EFR3B: variants seen among roughly 807,000 people sequenced by gnomAD.
The protein encoded by EFR3B is protein EFR3 homolog B.
EFR3B carries 64 observed loss-of-function variants against 104.7 expected under a neutral mutation model. The observed-to-expected ratio is 0.61, with a 90% CI of 0.50 to 0.75. EFR3B has a LOEUF of 0.75. Ranked by LOEUF, EFR3B falls within the 30% of genes least tolerant of loss-of-function variation. The pLI is 0.00. For missense variants in EFR3B, 750 were observed against 1,078.5 expected, an observed-to-expected ratio of 0.70 and a Z score of 4.27; for synonymous variants, 385 against 417.9, an observed-to-expected ratio of 0.92 and a Z score of 0.96.
At chr2:25,043,888 T>G (rs1667646631) in intron 1 of EFR3B, among the ~76,000 whole-genome samples, 1 of 152,170 alleles carries the variant, frequency 6.6e-6, no homozygotes, top group African/African-American at 2.4e-5. Context: ...GACAGGCTCA[T>G]CAGAATGGGT....
In EFR3B at chr2:25,155,672, C is replaced by T. The variant is rs1276499257; in HGVS notation, c.*1332C>T. On this transcript the variant is annotated 3_prime_UTR_variant, in exon 23 of 23. Coordinates refer to ENST00000403714, the MANE Select transcript of EFR3B (RefSeq NM_014971.2). ...ACTGACAGAACCTCACCTGGGGCTC[C>T]TCCCATGGCAGTGCCATGTGGTCCA... 2 of 152,190 alleles carry T rather than the reference C, an allele frequency of 1.3e-5. No homozygotes were observed. Among genetic ancestry groups the T allele is most frequent in the Non-Finnish European group, 2.9e-5 (2 of 68,050 alleles). 9.4% of individuals were successfully genotyped at this position (152,190 alleles called of 1,614,324 possible).
intron 21 of EFR3B, among the ~76,000 whole-genome samples, chr2:25,153,152 G>A (rs578211004): frequency 7.9e-5 from 12 of 152,178 alleles, no homozygotes; most frequent in African/African-American, 2.4e-4. Context: ...TCAGGAGTTC[G>A]AGACCAGCCT....
intron 19 of EFR3B, among the ~76,000 whole-genome samples, chr2:25,148,463 C>T (rs77014480): frequency 0.31 from 46,502 of 150,864 alleles, 7,750 homozygotes; most frequent in African/African-American, 0.41. Context: ...CCACGTTGAC[C>T]AGGCCGGTCT....
At chr2:25,068,190 T>C (rs1469531685) in intron 1 of EFR3B, among the ~76,000 whole-genome samples, 1 of 152,190 alleles carries the variant, frequency 6.6e-6, no homozygotes, top group African/African-American at 2.4e-5. Flanking sequence ...GGCTGATGTG[T>C]GTATGAGCCA....
chr2:25,119,160 G>GCA (rs1205455690), intron 4 of EFR3B, among the ~76,000 whole-genome samples: 1 of 152,148 alleles, frequency 6.6e-6, no homozygotes. Context: ...AGTAGACATA[G>GCA]TATATATTTT....
intron 4 of EFR3B, among the ~76,000 whole-genome samples, chr2:25,117,272 C>T (rs1034070894): frequency 6.6e-6 from 1 of 152,154 alleles, no homozygotes; most frequent in African/African-American, 2.4e-5. Flanking sequence ...CAGCCTCTTC[C>T]AGGACAGACT....
intron 5 of EFR3B, among the ~76,000 whole-genome samples, 196 bp from the exon 6 acceptor site, chr2:25,127,987 T>C (rs569843477): frequency 6.6e-6 from 1 of 152,202 alleles, no homozygotes; most frequent in Non-Finnish European, 1.5e-5. Context: ...TCCAAGATGA[T>C]TAAAAAGACA....
intron 1 of EFR3B, among the ~76,000 whole-genome samples, chr2:25,052,496 CTTTTTTTTTT>C (rs56005417): frequency 2.1e-5 from 2 of 95,710 alleles, no homozygotes; most frequent in East Asian, 2.9e-4. Flanking sequence ...AGGCAGAATT[CTTTTTTTTTT>C]TTTTTTTTTT....
chr2:25,065,872 G>T (rs1378543606), intron 1 of EFR3B, among the ~76,000 whole-genome samples: 2 of 151,970 alleles, frequency 1.3e-5, no homozygotes, highest in African/African-American at 4.8e-5. Flanking sequence ...GGCTCTTCCT[G>T]ACACCCTCTG....
chr2:25,118,211 C>A (rs997026352), intron 4 of EFR3B, among the ~76,000 whole-genome samples: 1 of 152,160 alleles, frequency 6.6e-6, no homozygotes, highest in African/African-American at 2.4e-5. Flanking sequence ...GAACTCCTGA[C>A]CTCAAGTGAT....
At chr2:25,101,291 G>A (rs1669424610) in intron 3 of EFR3B, among the ~76,000 whole-genome samples, 1 of 152,140 alleles carries the variant, frequency 6.6e-6, no homozygotes, top group African/African-American at 2.4e-5. Context: ...GGGCAGTCAT[G>A]TCTTATAATC....
In EFR3B at chr2:25,128,344, G is replaced by C. The variant is rs79532604; in HGVS notation, c.635+12G>C. ...GAGGAGGCAGAGAGGTAAGCAGGCC[G>C]GGATGGGGCAGGACAGTAGATATAA... On this transcript the variant is annotated intron_variant, in intron 6 of 22. Coordinates refer to ENST00000403714, the MANE Select transcript of EFR3B (RefSeq NM_014971.2). 2 of 1,551,740 alleles carry C rather than the reference G, an allele frequency of 1.3e-6. No homozygotes were observed. The highest frequency in any genetic ancestry group is 2.4e-5 in the East Asian group (1 of 40,914).
At position 25,135,592 on chromosome 2, in the gene EFR3B, C is replaced by T. The variant is rs1670494717; in HGVS notation, c.1437C>T (p.Ile479=). The T allele has an allele frequency of 6.4e-7, 1 of 1,552,004 alleles. No homozygotes were observed. The highest frequency in any genetic ancestry group is 1.2e-5 in the South Asian group (1 of 84,064). The part of the protein sequence containing the change: ...EIRLFVLEIL[I]SFIDRHGNRH... ...GACTCTTTGTTCTAGAGATTCTCAT[C>T]AGTTTCATTGATCGTCATGGCAACC... The change falls in exon 13 of 23, where the codon ATC becomes ATT. Residue 479 remains isoleucine, a synonymous_variant. Transcript: ENST00000403714.
At chr2:25,071,159 A>C (rs866545223) in intron 1 of EFR3B, among the ~76,000 whole-genome samples, 26 of 151,486 alleles carry the variant, frequency 1.7e-4, no homozygotes, top group African/African-American at 4.4e-4. Flanking sequence ...ACGGGGTTTC[A>C]CTGTGTTAGC....
intron 5 of EFR3B, among the ~76,000 whole-genome samples, chr2:25,122,069 T>C (rs1266820409): frequency 6.6e-6 from 1 of 151,724 alleles, no homozygotes; most frequent in Non-Finnish European, 1.5e-5. Context: ...CAGGTTCAAG[T>C]GATTCTCATG....
chr2:25,122,865 G>T (rs904666048), intron 5 of EFR3B, among the ~76,000 whole-genome samples: 9 of 152,010 alleles, frequency 5.9e-5, no homozygotes, highest in African/African-American at 2.2e-4. Context: ...TTTTACTCAC[G>T]GATGCATCCC....
rs11416666 is a variant in EFR3B at position 25,098,831 on chromosome 2, ATTTTTTTTTT to A, written c.213-4789_213-4780del. Among the ~76,000 whole-genome samples the A allele has an allele frequency of 9.5e-5, 8 of 83,802 alleles. No homozygotes were observed. In the East Asian group the frequency reaches 9.8e-4, roughly 10 times the overall value. The allele number at this position is 83,802 out of a possible 152,430, so 55.0% of individuals were successfully genotyped here. ...ACTTTCCACTCCTGGTAAGTAGCCA[ATTTTTTTTTT>A]TTTTTTTTTTTTTTTTCTGTTGCAA... On this transcript the variant is annotated intron_variant, in intron 3 of 22. Coordinates refer to ENST00000403714, the MANE Select transcript of EFR3B (RefSeq NM_014971.2).
In EFR3B at chr2:25,043,780, T is replaced by C. The variant is rs190535084; in HGVS notation, c.7+1461T>C. ...GTGTATTTTTTTACTCTCTCTGTTT[T>C]CCCCCTCTTCTTTTCTGCAGAGGTA... On this transcript the variant is annotated intron_variant, in intron 1 of 22. Transcript: ENST00000403714. Among the ~76,000 whole-genome samples, 381 of 152,196 alleles carry C rather than the reference T, an allele frequency of 2.5e-3. 5 individuals carry two copies. The highest frequency in any genetic ancestry group is 8.8e-3 in the African/African-American group (366 of 41,506).
chr2:25,152,542 G>T (rs1026077311), intron 21 of EFR3B, among the ~76,000 whole-genome samples: 7 of 152,132 alleles, frequency 4.6e-5, no homozygotes, highest in Non-Finnish European at 7.4e-5. Context: ...CTTCCAACCA[G>T]GGTACCTTGG....
Sources: gnomAD v4.1 joint callset for allele counts (sites outside exome capture counted in the v4.1 genomes callset) on GRCh38, gnomAD v4.1.1 for gene constraint, MANE v1.5 for transcripts, NCBI Gene and HGNC (gene_info 2026-07-23, HGNC 2026-07-21) for gene names.